CFAP46: variants seen among roughly 807,000 people sequenced by gnomAD.
CFAP46 encodes cilia and flagella associated protein 46.
In CFAP46, 245 loss-of-function variants were observed where a neutral mutation model predicts 325.7. The ratio of observed to expected loss-of-function variants is 0.75; its 90% CI spans 0.68 to 0.84. CFAP46 has a LOEUF of 0.84. Among genes scored for constraint, CFAP46 ranks in the 40% least tolerant of loss-of-function variants. CFAP46 has a pLI of 0.00. For missense variants in CFAP46, 3,346 were observed against 3,543.0 expected (o/e 0.94, Z 1.41); for synonymous variants, 1,523 against 1,495.9 (o/e 1.02, Z -0.42).
chr10:132,829,830 T>C (rs1196452930), intron 50 of CFAP46, among the ~76,000 whole-genome samples: 1 of 152,264 alleles, frequency 6.6e-6, no homozygotes, highest in East Asian at 1.9e-4. Context: ...CATTGGCTGA[T>C]TTTTCAAATA....
chr10:132,894,598 A>C (rs1849297243), intron 24 of CFAP46, among the ~76,000 whole-genome samples: 1 of 152,186 alleles, frequency 6.6e-6, no homozygotes, highest in Non-Finnish European at 1.5e-5. Flanking sequence ...AAAAAAAGAA[A>C]GACTATTCAA....
At chr10:132,819,510 T>C (rs1049874528) in intron 50 of CFAP46, among the ~76,000 whole-genome samples, 3 of 152,116 alleles carry the variant, frequency 2.0e-5, no homozygotes, top group Non-Finnish European at 4.4e-5. Flanking sequence ...GCTATAGTAA[T>C]CAAAACAATG....
At chr10:132,850,478 G>C (rs369864813) in intron 40 of CFAP46, 46 bp from the exon 41 acceptor site, 2 of 1,482,440 alleles carry the variant, frequency 1.3e-6, no homozygotes, top group Non-Finnish European at 1.8e-6. Flanking sequence ...AAGGGCAACC[G>C]CCCACCCTGC....
intron 35 of CFAP46, among the ~76,000 whole-genome samples, chr10:132,864,229 C>CCCG (rs1848770614): frequency 7.6e-6 from 1 of 131,878 alleles, no homozygotes; most frequent in African/African-American, 2.9e-5. Context: ...ACACCTGTCC[C>CCCG]CCTGACACCT....
intron 10 of CFAP46, among the ~76,000 whole-genome samples, 170 bp downstream of exon 10, chr10:132,926,398 G>A (rs987217029): frequency 6.6e-6 from 1 of 151,936 alleles, no homozygotes; most frequent in Admixed American, 6.5e-5. Flanking sequence ...CAGGGAGTGT[G>A]GCACTGGAGG....
At chr10:132,838,591 A>G (rs562600150) in intron 44 of CFAP46, among the ~76,000 whole-genome samples, 185 of 152,356 alleles carry the variant, frequency 1.2e-3, no homozygotes, top group African/African-American at 4.3e-3. Context: ...CTCCCTGCAG[A>G]TGCCACAGCT....
Position 132,869,160 on chromosome 10 carries a change from C to G in CFAP46, c.4610+114G>C, listed in dbSNP as rs7084470. 0.045 allele frequency: 35,846 copies of G among 805,152 alleles called. 2,943 individuals carry two copies. The highest frequency in any genetic ancestry group is 0.3 in the African/African-American group (16,421 of 55,636). The allele number at this position is 805,152 out of a possible 1,614,324, so 49.9% of individuals were successfully genotyped here. ...CAGCCGTGTCCCCCAAGTGCTCACTCTCCCCAGAGGGGCAGGAGTCCAGGG... is the reference window on the plus strand; with the variant it reads ...CAGCCGTGTCCCCCAAGTGCTCACTGTCCCCAGAGGGGCAGGAGTCCAGGG... On this transcript the variant is annotated intron_variant, in intron 33 of 57. Coordinates refer to ENST00000368586, the MANE Select transcript of CFAP46 (RefSeq NM_001200049.3). This position sits in a 1 kb window ranked among gnomAD's most constrained non-coding sequence, Gnocchi z 6.2.
chr10:132,915,517 G>A (rs1849623216), intron 17 of CFAP46, among the ~76,000 whole-genome samples: 1 of 152,062 alleles, frequency 6.6e-6, no homozygotes, highest in Non-Finnish European at 1.5e-5. Flanking sequence ...AGGGACAGCT[G>A]GCTTTCCTTC....
intron 20 of CFAP46, 22 bp from the exon 21 acceptor site, chr10:132,909,266 G>C: frequency 6.6e-7 from 1 of 1,525,018 alleles, no homozygotes; most frequent in Non-Finnish European, 8.9e-7. Flanking sequence ...GATGCCCTGA[G>C]TGTATCAGCC....
chr10:132,823,536 G>A (rs530238759), intron 50 of CFAP46, among the ~76,000 whole-genome samples: 3 of 97,154 alleles, frequency 3.1e-5, no homozygotes, highest in Non-Finnish European at 6.6e-5. Context: ...TGCTGTGTGC[G>A]CTGTGTGCTG....
chr10:132,810,429 C>T lies in CFAP46; in HGVS notation c.7644G>A (p.Trp2548Ter). The change falls in exon 57 of 58, where the codon TGG becomes TGA. Residue 2548 changes from tryptophan to a stop codon, truncating the protein, a stop_gained. Coordinates refer to ENST00000368586, the MANE Select transcript of CFAP46 (RefSeq NM_001200049.3). LOFTEE classifies it low-confidence loss of function (END_TRUNC). ...RNSASPSEDEWRRGGEPRRGF... is the reference protein window; with the variant it reads ...RNSASPSEDE ...CTTACCTTGGTTCACCGCCTCGTCG[C>T]CACTCATCTTCTGAAGGAGACGCAC... 2 of 1,613,478 alleles carry T rather than the reference C, an allele frequency of 1.2e-6. No individual in the cohort carries two copies. The highest frequency in any genetic ancestry group is 1.1e-5 in the South Asian group (1 of 91,080).
intron 10 of CFAP46, among the ~76,000 whole-genome samples, 180 bp downstream of exon 10, chr10:132,926,388 C>T (rs1849811663): frequency 6.6e-6 from 1 of 152,086 alleles, no homozygotes; most frequent in Non-Finnish European, 1.5e-5. Context: ...GTGCGCAGGA[C>T]AGGGAGTGTG....
chr10:132,887,337 TCTCTC>T lies in CFAP46; in HGVS notation c.3305-1383_3305-1379del, dbSNP rs1418896593. Among the ~76,000 whole-genome samples, 12 of 83,240 alleles carry T rather than the reference TCTCTC, an allele frequency of 1.4e-4. 1 individual carries two copies. The highest frequency in any genetic ancestry group is 7.4e-4 in the East Asian group (2 of 2,712). The allele number at this position is 83,240 out of a possible 152,430, so 54.6% of individuals were successfully genotyped here. ...TCCCCTCTCTCCTCTCTCGCTTCTC[TCTCTC>T]CTCTCCTCTCCTCCCCTCTTCTTTC... On this transcript the variant is annotated intron_variant, in intron 25 of 57. Coordinates refer to ENST00000368586, the MANE Select transcript of CFAP46 (RefSeq NM_001200049.3).
chr10:132,942,375 G>T, intron 1 of CFAP46, 61 bp downstream of exon 1: 1 of 1,342,826 alleles, frequency 7.4e-7, no homozygotes, highest in Non-Finnish European at 9.6e-7. Context: ...TCCCCGGGGC[G>T]GGGGTCGTGG....
intron 50 of CFAP46, among the ~76,000 whole-genome samples, chr10:132,819,815 C>T (rs559187949): frequency 6.6e-6 from 1 of 152,312 alleles, no homozygotes; most frequent in African/African-American, 2.4e-5. Flanking sequence ...ATAAAAGCTC[C>T]TTGACTGGGT....
chr10:132,824,445 GA>G (rs1847987151), intron 50 of CFAP46, among the ~76,000 whole-genome samples: 1 of 128,860 alleles, frequency 7.8e-6, no homozygotes. Flanking sequence ...GCTGTGTGCT[GA>G]TGTGTGCTGT....
In CFAP46 at chr10:132,835,144, G is replaced by A. The variant is rs1848219074; in HGVS notation, c.6744+160C>T. 2.0e-5 allele frequency among the ~76,000 whole-genome samples: 3 copies of A among 152,272 alleles called. No individual in the cohort carries two copies. The South Asian group carries it at 6.2e-4, about 31-fold the overall frequency. On this transcript the variant is annotated intron_variant, in intron 47 of 57. Coordinates refer to ENST00000368586, the MANE Select transcript of CFAP46 (RefSeq NM_001200049.3). Reference sequence around the variant, plus strand: ...CAAGTTCTCCCCCCACATGGAGCTTGGCCTGGGAGTTGGGCAGTGCCCGGG... The same window carrying A: ...CAAGTTCTCCCCCCACATGGAGCTTAGCCTGGGAGTTGGGCAGTGCCCGGG...
intron 13 of CFAP46, 49 bp downstream of exon 13, chr10:132,922,055 A>G: frequency 6.6e-7 from 1 of 1,526,454 alleles, no homozygotes; most frequent in Non-Finnish European, 8.8e-7. Context: ...CCTGGGAGCC[A>G]TTCCAAGGTG....
intron 27 of CFAP46, among the ~76,000 whole-genome samples, chr10:132,882,184 G>A (rs1419562454): frequency 6.7e-6 from 1 of 148,908 alleles, no homozygotes; most frequent in East Asian, 2.0e-4. Context: ...GGGATGTGGG[G>A]TGTGAGTGGG....
Sources: gnomAD v4.1 joint callset for allele counts (sites outside exome capture counted in the v4.1 genomes callset) on GRCh38, gnomAD v4.1.1 for gene constraint, Gnocchi (gnomAD v3.1) non-coding constraint, MANE v1.5 for transcripts, NCBI Gene and HGNC (gene_info 2026-07-23, HGNC 2026-07-21) for gene names.